The following PEAR1 variants were observed in gnomAD, a reference collection of about 807,000 sequenced individuals.
The protein encoded by PEAR1 is platelet endothelial aggregation receptor 1, also known as multiple EGF-like domains protein 12.
PEAR1 carries 113 observed loss-of-function variants against 131.2 expected under a neutral mutation model. The observed-to-expected ratio is 0.86, with a 90% CI of 0.74 to 1.01. The LOEUF (loss-of-function observed/expected upper bound fraction) is 1.01, where lower values mean the gene tolerates loss of function less well. Among genes scored for constraint, PEAR1 ranks in the 50% least tolerant of loss-of-function variants. The probability of loss-of-function intolerance (pLI) is 0.00; values close to 1 mark genes in which losing one functional copy is unlikely to be tolerated. For synonymous variants in PEAR1, 565 were observed against 523.3 expected (o/e 1.08, Z -1.09); for missense variants, 1,408 against 1,391.1 (o/e 1.01, Z -0.19).
intron 1 of PEAR1, among the ~76,000 whole-genome samples, chr1:156,903,671 T>A (rs11264579): frequency 2.0e-5 from 3 of 151,964 alleles, no homozygotes; most frequent in Admixed American, 2.0e-4. Flanking sequence ...CCTTGAAAGA[T>A]GGGAACTCCA....
rs74116911 is a variant in PEAR1 at position 156,914,099 on chromosome 1, T to C, written c.2961T>C (p.His987=). The C allele has an allele frequency of 1.8e-3, 2,879 of 1,587,460 alleles. 51 individuals carry two copies. In the African/African-American group the frequency reaches 0.033, roughly 18 times the overall value. Reference sequence around the variant, plus strand: ...ACGAGCAGCCCAGCCCCCTGATCCATGGTGAGCCCTCCCTCTCCACTGGCA... The same window carrying C: ...ACGAGCAGCCCAGCCCCCTGATCCACGGTGAGCCCTCCCTCTCCACTGGCA... ...GTYEQPSPLI[H]DRDSVGSQPP... is the part of the protein sequence containing the mutation. Residue 987 remains histidine, a splice_region_variant and synonymous_variant, in exon 22 of 23, where the codon CAT becomes CAC. Transcript: ENST00000292357.
Position 156,908,909 on chromosome 1 carries a change from C to A in PEAR1, c.1291-7C>A. On this transcript the variant is annotated splice_region_variant and splice_polypyrimidine_tract_variant and intron_variant, in intron 10 of 22. Coordinates refer to ENST00000292357, the MANE Select transcript of PEAR1 (RefSeq NM_001080471.3). The surrounding 1 kb of genome is among the most constrained non-coding windows in gnomAD (Gnocchi z 4.2). ...GCCGCCCCTCTCACCCGCTCACCCT[C>A]TTTCAGGGCCCTCACTGTGCTAGTC... The A allele has an allele frequency of 6.2e-7, 1 of 1,612,924 alleles. No homozygotes were observed.
At chr1:156,905,619 A>C (rs1570957137) in intron 4 of PEAR1, among the ~76,000 whole-genome samples, 195 bp downstream of exon 4, 2 of 150,296 alleles carry the variant, frequency 1.3e-5, no homozygotes, top group African/African-American at 2.5e-5. Context: ...ACCACTTCAC[A>C]CCCCTGTCTC....
chr1:156,910,785 GA>G (rs1220802112), intron 15 of PEAR1, 42 bp downstream of exon 15: 1 of 1,609,990 alleles, frequency 6.2e-7, no homozygotes, highest in African/African-American at 1.3e-5. Context: ...TGCATGCTGA[GA>G]GGGGGTGCTG....
rs1558141325 is a variant in PEAR1, at chr1:156,910,105, A to G, written c.1675A>G (p.Met559Val). The change falls in exon 13 of 23, where the codon ATG (methionine) becomes GTG (valine). Residue 559 changes from methionine to valine, a missense_variant. Met to Val is a conservative substitution (Grantham distance 21). Coordinates refer to ENST00000292357, the MANE Select transcript of PEAR1 (RefSeq NM_001080471.3). ...HGRCQCQAGW[M>V]GARCHLSCPE... ...ACGCTGTCAGTGCCAGGCTGGCTGGATGGGTGAGCATTCTGGGGCCCCAGG... is the reference window on the plus strand; with the variant it reads ...ACGCTGTCAGTGCCAGGCTGGCTGGGTGGGTGAGCATTCTGGGGCCCCAGG... 1.9e-6 allele frequency: 3 copies of G among 1,614,098 alleles called. No individual in the cohort carries two copies. The highest frequency in any genetic ancestry group is 2.5e-6 in the Non-Finnish European group (3 of 1,179,988).
At chr1:156,901,228 A>G (rs1649649075) in intron 1 of PEAR1, among the ~76,000 whole-genome samples, 1 of 152,052 alleles carries the variant, frequency 6.6e-6, no homozygotes. Context: ...GGAAAACAGA[A>G]CCTACCCACC....
rs769937031 is a variant in PEAR1, at chr1:156,913,783, G to C, written c.2713+23G>C. The C allele has an allele frequency of 9.3e-6, 15 of 1,612,834 alleles. No homozygotes were observed. In the Admixed American group the frequency reaches 2.5e-4, roughly 27 times the overall value. On this transcript the variant is annotated intron_variant, in intron 21 of 22. Transcript: ENST00000292357. ...AAGGTATGGGCACAGGGGCAACAAG[G>C]GAGGTGGCTGAGCTGGGGCTGAGGA...
In PEAR1 at chr1:156,912,379, C is replaced by T. The variant is rs371422431; in HGVS notation, c.2080+4C>T. 55 of 1,611,332 alleles carry T rather than the reference C, an allele frequency of 3.4e-5. No homozygotes were observed. Among genetic ancestry groups the T allele is most frequent in the Non-Finnish European group, 4.4e-5 (52 of 1,178,960 alleles). On this transcript the variant is annotated splice_donor_region_variant and intron_variant, in intron 16 of 22. Transcript: ENST00000292357. The stretch of plus-strand genomic sequence containing the variant: ...ACTGGACACCACTGCTTAGAAGGTA[C>T]CAACAGAAGGGGAACTCCAGGCCCC...
At chr1:156,904,094 A>G (rs932349671) in intron 2 of PEAR1, 67 bp downstream of exon 2, 2 of 1,310,118 alleles carry the variant, frequency 1.5e-6, no homozygotes, top group Non-Finnish European at 2.2e-6. Flanking sequence ...TATTGTCCCT[A>G]CTGGGGTCCT....
intron 1 of PEAR1, among the ~76,000 whole-genome samples, chr1:156,899,487 T>C (rs563010711): frequency 1.3e-5 from 2 of 152,262 alleles, no homozygotes; most frequent in Admixed American, 6.5e-5. Flanking sequence ...CCTTTCTCTC[T>C]GTCAGCATTT....
chr1:156,894,668 C>A (rs767055150), intron 1 of PEAR1, among the ~76,000 whole-genome samples: 10 of 152,178 alleles, frequency 6.6e-5, no homozygotes, highest in Non-Finnish European at 1.2e-4. Flanking sequence ...GCAAGGCAAC[C>A]CTTCACCCCC....
chr1:156,899,776 G>A (rs1320383956), intron 1 of PEAR1, among the ~76,000 whole-genome samples: 3 of 152,214 alleles, frequency 2.0e-5, no homozygotes, highest in African/African-American at 7.2e-5. Context: ...TTCTAGGTGA[G>A]GGAACTGCAG....
intron 15 of PEAR1, among the ~76,000 whole-genome samples, chr1:156,911,057 C>CTTT (rs61482330): frequency 1.8e-5 from 2 of 112,522 alleles, no homozygotes; most frequent in African/African-American, 1.0e-4. Context: ...TTCTTTCTTT[C>CTTT]TTTCTTTCTT....
chr1:156,905,760 A>G (rs1251831176), intron 4 of PEAR1, among the ~76,000 whole-genome samples: 1 of 151,712 alleles, frequency 6.6e-6, no homozygotes, highest in Non-Finnish European at 1.5e-5. Flanking sequence ...GTGTCTCAGG[A>G]CTTGGTGTCT....
intron 1 of PEAR1, among the ~76,000 whole-genome samples, chr1:156,896,308 T>C: frequency 6.6e-6 from 1 of 152,302 alleles, no homozygotes; most frequent in East Asian, 1.9e-4. Context: ...CAGTAATTAG[T>C]ATCCCAGTAC....
rs745643561 is a variant in PEAR1, at chr1:156,912,781, C to A, written c.2221C>A (p.Pro741Thr). 3.1e-6 allele frequency: 5 copies of A among 1,614,042 alleles called. No individual in the cohort carries two copies. In the East Asian group the frequency reaches 8.9e-5, roughly 29 times the overall value. ...GAPCRIGIQE[P>T]FTVMPTTPVA... ...CCCATTCCACACAGGAATCCAGGAG[C>A]CCTTTACTGTGATGCCGACCACTCC... Residue 741 changes from proline (P) to threonine (T), a missense_variant, in exon 18 of 23, where the codon CCC becomes ACC. By Grantham distance (38) the Pro-to-Thr change is conservative (BLOSUM62 -1). Coordinates refer to ENST00000292357, the MANE Select transcript of PEAR1 (RefSeq NM_001080471.3).
In PEAR1 at chr1:156,911,045, C is replaced by CTTTCTTTCTTTCTTTT. The variant is rs1558143359; in HGVS notation, c.1951+317_1951+318insTTTTCTTTCTTTCTTT. On this transcript the variant is annotated intron_variant, in intron 15 of 22. Coordinates refer to ENST00000292357, the MANE Select transcript of PEAR1 (RefSeq NM_001080471.3). Reference sequence around the variant, plus strand: ...ATTTTCTCTTGATTTCTTTTTCTTTCTTTCTTTCTTTCTTTCTTTCTTTCT... The same window carrying CTTTCTTTCTTTCTTTT: ...ATTTTCTCTTGATTTCTTTTTCTTTCTTTCTTTCTTTCTTTTTTTCTTTCTTTCTTTCTTTCTTTCT... Among the ~76,000 whole-genome samples the CTTTCTTTCTTTCTTTT allele has an allele frequency of 9.7e-3, 953 of 97,864 alleles. 19 individuals carry two copies. Among genetic ancestry groups the CTTTCTTTCTTTCTTTT allele is most frequent in the African/African-American group, 0.048 (915 of 19,022 alleles). 64.2% of individuals were successfully genotyped at this position (97,864 alleles called of 152,430 possible).
chr1:156,906,844 G>A lies in PEAR1; in HGVS notation c.608G>A (p.Gly203Glu), dbSNP rs146005310. ...GGGGCACCCTGCGATCCCCAGACTG[G>A]AGCCTGCTTCTGCCCCGCAGAGAGA... ...CHGAPCDPQTGACFCPAERTG... is the reference protein window; with the variant it reads ...CHGAPCDPQTEACFCPAERTG... The change falls in exon 6 of 23, where the codon GGA becomes GAA. Residue 203 changes from glycine (G) to glutamate (E), a missense_variant. By Grantham distance (98) the Gly-to-Glu change is moderately conservative. Transcript: ENST00000292357. 4.9e-5 allele frequency: 79 copies of A among 1,614,044 alleles called. No individual in the cohort carries two copies. Among genetic ancestry groups the A allele is most frequent in the Non-Finnish European group, 5.8e-5 (69 of 1,180,040 alleles).
At position 156,914,883 on chromosome 1, in the gene PEAR1, G is replaced by T. The variant is rs985694168; in HGVS notation, c.*85G>T. On this transcript the variant is annotated 3_prime_UTR_variant, in exon 23 of 23. Coordinates refer to ENST00000292357, the MANE Select transcript of PEAR1 (RefSeq NM_001080471.3). ...ACAGAGCCTAGTGTACCCCTGCCAG[G>T]AGCAGGGAGTGGACCGGCAGGCTGT... 5.9e-5 allele frequency: 87 copies of T among 1,471,122 alleles called. No individual in the cohort carries two copies. In the African/African-American group the frequency reaches 1.1e-3, roughly 19 times the overall value. 91.1% of individuals were successfully genotyped at this position (1,471,122 alleles called of 1,614,324 possible). A position where few individuals can be genotyped will look rare whatever the true frequency, so the allele number is the denominator to read the frequency against.
Sources: allele counts gnomAD v4.1 joint callset (sites outside exome capture counted in the v4.1 genomes callset), GRCh38; gene constraint gnomAD v4.1.1; non-coding constraint Gnocchi (gnomAD v3.1); transcripts MANE v1.5; gene names NCBI Gene and HGNC (gene_info 2026-07-23, HGNC 2026-07-21).